Variants in ITPR2 observed in about 807,000 individuals in gnomAD.
ITPR2 encodes inositol 1,4,5-trisphosphate-gated calcium channel ITPR2.
In ITPR2, 207 loss-of-function variants were observed where a neutral mutation model predicts 317.1. That is an observed-to-expected ratio of 0.65 (90% confidence interval 0.58 to 0.73). The LOEUF (loss-of-function observed/expected upper bound fraction) is 0.73, where lower values mean the gene tolerates loss of function less well. ITPR2 is among the 30% of genes least tolerant of loss of function. The pLI, the probability that ITPR2 is intolerant of heterozygous loss-of-function variation, is 0.00. For missense variants in ITPR2, 2,613 were observed against 3,284.0 expected, an observed-to-expected ratio of 0.80 and a Z score of 4.99; for synonymous variants, 1,156 against 1,149.1, an observed-to-expected ratio of 1.01 and a Z score of -0.12.
chr12:26,448,968 T>C (rs1941675817), intron 45 of ITPR2, among the ~76,000 whole-genome samples: 1 of 152,320 alleles, frequency 6.6e-6, no homozygotes, highest in Non-Finnish European at 1.5e-5. Flanking sequence ...AGAGTTGGGC[T>C]TTTCATTTTT....
chr12:26,504,890 T>C (rs944451769), intron 37 of ITPR2, among the ~76,000 whole-genome samples: 1 of 152,114 alleles, frequency 6.6e-6, no homozygotes, highest in South Asian at 2.1e-4. Context: ...GTAGTAAACA[T>C]GGATTAAACA....
chr12:26,721,966 G>A (rs1948847160), intron 5 of ITPR2, among the ~76,000 whole-genome samples: 1 of 152,064 alleles, frequency 6.6e-6, no homozygotes, highest in African/African-American at 2.4e-5. Flanking sequence ...AAGACTTATA[G>A]ACTGTCAGCA....
At chr12:26,457,829 G>T (rs1292002766) in intron 45 of ITPR2, among the ~76,000 whole-genome samples, 1 of 152,176 alleles carries the variant, frequency 6.6e-6, no homozygotes, top group African/African-American at 2.4e-5. Flanking sequence ...TTCTCCTTCT[G>T]CAAGTGAGGC....
At chr12:26,520,298 G>C (rs916506629) in intron 37 of ITPR2, among the ~76,000 whole-genome samples, 1 of 152,182 alleles carries the variant, frequency 6.6e-6, no homozygotes, top group Non-Finnish European at 1.5e-5. Flanking sequence ...ATGAGAGGGA[G>C]ATTGCAGGCA....
intron 37 of ITPR2, among the ~76,000 whole-genome samples, chr12:26,516,265 A>AGGAAGGGAAAGGAAGGGAAAGGAAG (rs1565574476): frequency 8.7e-5 from 3 of 34,450 alleles, no homozygotes; most frequent in Non-Finnish European, 2.1e-4. Context: ...AGGAAAGGAA[A>AGGAAGGGAAAGGAAGGGAAAGGAAG]GGAAAGGAAG....
chr12:26,788,820 T>G (rs1268219771), intron 2 of ITPR2, among the ~76,000 whole-genome samples: 1 of 152,220 alleles, frequency 6.6e-6, no homozygotes, highest in African/African-American at 2.4e-5. Context: ...CCTAATTCTC[T>G]CCTCATCTTT....
intron 21 of ITPR2, among the ~76,000 whole-genome samples, chr12:26,633,909 T>C (rs900576215): frequency 2.6e-5 from 4 of 152,224 alleles, no homozygotes; most frequent in Non-Finnish European, 4.4e-5. Context: ...CTTATTTAGA[T>C]TTGCATGGAA....
At chr12:26,616,263 G>C (rs912451826) in intron 26 of ITPR2, among the ~76,000 whole-genome samples, 3 of 151,656 alleles carry the variant, frequency 2.0e-5, no homozygotes, top group Non-Finnish European at 4.4e-5. Flanking sequence ...TCAGCCTCCC[G>C]AGTAGCTGGG....
intron 35 of ITPR2, 113 bp downstream of exon 35, chr12:26,561,649 G>C (rs1350786971): frequency 2.4e-6 from 2 of 833,206 alleles, no homozygotes; most frequent in Non-Finnish European, 3.5e-6. Context: ...GTAAAGCAAG[G>C]CCTGGTCCCC....
At chr12:26,816,999 G>A (rs780104631) in intron 1 of ITPR2, among the ~76,000 whole-genome samples, 50 of 151,946 alleles carry the variant, frequency 3.3e-4, no homozygotes, top group Non-Finnish European at 6.2e-4. Context: ...CTAACACGGT[G>A]AAACCCCATC....
At chr12:26,466,826 A>G (rs952551128) in intron 45 of ITPR2, among the ~76,000 whole-genome samples, 8 of 152,202 alleles carry the variant, frequency 5.3e-5, no homozygotes, top group Non-Finnish European at 8.8e-5. Flanking sequence ...ACAACATTCT[A>G]GCCAACATAT....
chr12:26,396,507 C>T (rs2136643809), intron 54 of ITPR2, among the ~76,000 whole-genome samples: 1 of 152,304 alleles, frequency 6.6e-6, no homozygotes, highest in African/African-American at 2.4e-5. Flanking sequence ...TGCTTCTCCT[C>T]ACACCATTCT....
At chr12:26,707,335 A>T (rs1461902574) in intron 9 of ITPR2, among the ~76,000 whole-genome samples, 2 of 152,180 alleles carry the variant, frequency 1.3e-5, no homozygotes, top group East Asian at 3.8e-4. Context: ...GTGTCTTTTT[A>T]AAAATAATAT....
intron 2 of ITPR2, 155 bp from the exon 3 acceptor site, chr12:26,725,920 T>C (rs1157811258): frequency 3.7e-6 from 2 of 534,926 alleles, no homozygotes; most frequent in Admixed American, 3.4e-5. Flanking sequence ...CCATTCACTC[T>C]ATAACATCCT....
chr12:26,536,703 G>A (rs1944102410), intron 37 of ITPR2, among the ~76,000 whole-genome samples: 1 of 151,618 alleles, frequency 6.6e-6, no homozygotes. Context: ...CACCAGGCCA[G>A]TGTTGGCAGG....
At chr12:26,595,830 T>C (rs1257248834) in intron 31 of ITPR2, among the ~76,000 whole-genome samples, 1 of 152,204 alleles carries the variant, frequency 6.6e-6, no homozygotes, top group Non-Finnish European at 1.5e-5. Context: ...GAAAGAACTT[T>C]ATGCAAAACA....
chr12:26,725,892 C>A, intron 2 of ITPR2, 127 bp from the exon 3 acceptor site: 1 of 608,956 alleles, frequency 1.6e-6, no homozygotes, highest in South Asian at 2.1e-5. Flanking sequence ...TCATATAGTC[C>A]GTCCTCCAGC....
intron 2 of ITPR2, among the ~76,000 whole-genome samples, chr12:26,733,387 CCTCAGTT>C (rs915087949): frequency 6.6e-6 from 1 of 151,304 alleles, no homozygotes; most frequent in African/African-American, 2.4e-5. Flanking sequence ...TATGCATATG[CCTCAGTT>C]CTCATCCCTA....
In ITPR2 at chr12:26,621,181, T is replaced by C. The variant is rs537706834; in HGVS notation, c.3404A>G (p.Asn1135Ser). 68 of 1,613,908 alleles carry C rather than the reference T, an allele frequency of 4.2e-5. No homozygotes were observed. The highest frequency in any genetic ancestry group is 5.8e-5 in the Non-Finnish European group (68 of 1,179,922). ...TTCCCCTATTTCTCCATTCTCATAGTTGCTGCTCTTCTCCACCCATAGCTC... is the reference window on the plus strand; with the variant it reads ...TTCCCCTATTTCTCCATTCTCATAGCTGCTGCTCTTCTCCACCCATAGCTC... Reference protein sequence around the residue: ...KSELWVEKSSNYENGEIGESQ... With the variant: ...KSELWVEKSSSYENGEIGESQ... The change falls in exon 26 of 57, where the codon AAC (asparagine) becomes AGC (serine). Residue 1135 changes from asparagine (N) to serine (S), a missense_variant. Transcript: ENST00000381340.
Sources: gnomAD v4.1 joint callset for allele counts (sites outside exome capture counted in the v4.1 genomes callset) on GRCh38, gnomAD v4.1.1 for gene constraint, MANE v1.5 for transcripts, NCBI Gene and HGNC (gene_info 2026-07-23, HGNC 2026-07-21) for gene names.